Variants in CTXN1 observed in about 807,000 individuals in gnomAD.
The protein encoded by CTXN1 is cortexin-1.
A neutral mutation model predicts 5.5 loss-of-function variants in CTXN1; 4 were observed. That is an observed-to-expected ratio of 0.73 (90% confidence interval 0.36 to 1.68). CTXN1 has a LOEUF of 1.68. CTXN1 is among the 40% of genes most tolerant of loss of function. The pLI is 0.05. For missense variants in CTXN1, 111 were observed against 123.0 expected (o/e 0.90, Z 0.46); for synonymous variants, 67 against 62.8 (o/e 1.07, Z -0.32).
In CTXN1 at chr19:7,925,682, C is replaced by G; in HGVS notation, c.-20-124G>C. ...CCTCCCTTAACGTGCCCGACCCCATCCCCCGCCCGCGCCTCGGTCCCCGGG... is the reference window on the plus strand; with the variant it reads ...CCTCCCTTAACGTGCCCGACCCCATGCCCCGCCCGCGCCTCGGTCCCCGGG... On this transcript the variant is annotated intron_variant, in intron 1 of 1. Transcript: ENST00000318978. The surrounding 1 kb of genome is among the most constrained non-coding windows in gnomAD (Gnocchi z 5.0). 2.4e-6 allele frequency: 2 copies of G among 827,080 alleles called. No individual in the cohort carries two copies. The highest frequency in any genetic ancestry group is 3.2e-6 in the Non-Finnish European group (2 of 619,194). 51.2% of individuals were successfully genotyped at this position (827,080 alleles called of 1,614,324 possible).
In CTXN1 at chr19:7,925,591, G is replaced by A; in HGVS notation, c.-20-33C>T. 5 of 1,315,844 alleles carry A rather than the reference G, an allele frequency of 3.8e-6. No individual in the cohort carries two copies. The highest frequency in any genetic ancestry group is 2.1e-5 in the South Asian group (1 of 47,024). 81.5% of individuals were successfully genotyped at this position (1,315,844 alleles called of 1,614,324 possible). ...GGAGGGGACCCGCCCCGGGCGCCGG[G>A]GATGAGGCTGCGCCCTCCCTCCCGC... On this transcript the variant is annotated intron_variant, in intron 1 of 1. Transcript: ENST00000318978. The surrounding 1 kb of genome is among the most constrained non-coding windows in gnomAD (Gnocchi z 5.0).
Position 7,925,213 on chromosome 19 carries a change from C to A in CTXN1, c.*77G>T. ...TCCGGGGCGGGATCCTGAGCGCAGT[C>A]CTGGCCCCGCGGCGCCCCCCGCCGG... On this transcript the variant is annotated 3_prime_UTR_variant, in exon 2 of 2. Transcript: ENST00000318978. The surrounding 1 kb of genome is among the most constrained non-coding windows in gnomAD (Gnocchi z 5.0). 2 of 1,164,378 alleles carry A rather than the reference C, an allele frequency of 1.7e-6. No individual in the cohort carries two copies. The highest frequency in any genetic ancestry group is 2.2e-6 in the Non-Finnish European group (2 of 919,654). The allele number at this position is 1,164,378 out of a possible 1,614,324, so 72.1% of individuals were successfully genotyped here. A position where few individuals can be genotyped will look rare whatever the true frequency, so the allele number is the denominator to read the frequency against.
chr19:7,925,236 CGGG>C lies in CTXN1; in HGVS notation c.*51_*53del. 1.6e-6 allele frequency: 2 copies of C among 1,242,910 alleles called. No homozygotes were observed. The highest frequency in any genetic ancestry group is 2.0e-6 in the Non-Finnish European group (2 of 992,874). The allele number at this position is 1,242,910 out of a possible 1,614,324, so 77.0% of individuals were successfully genotyped here. On this transcript the variant is annotated 3_prime_UTR_variant, in exon 2 of 2. Coordinates refer to ENST00000318978, the MANE Select transcript of CTXN1 (RefSeq NM_206833.4). This position sits in a 1 kb window ranked among gnomAD's most constrained non-coding sequence, Gnocchi z 5.0. ...GTCCTGGCCCCGCGGCGCCCCCCGC[CGGG>C]CCGGCCCTCTGAGACCCCGGCGCAG...
In CTXN1 at chr19:7,925,431, G is replaced by C. The variant is rs774212466; in HGVS notation, c.108C>G (p.Leu36=). ...AEQRTVFAFV[L]CLLVVLVLLM... is the part of the protein sequence containing the mutation. ...ACAGCACCAGCACCACGAGCAGGCA[G>C]AGCACGAAGGCGAACACCGTGCGCT... is the stretch of plus-strand genomic sequence containing the variant. Residue 36 remains leucine, a synonymous_variant, in exon 2 of 2, where the codon CTC becomes CTG. Transcript: ENST00000318978. This position sits in a 1 kb window ranked among gnomAD's most constrained non-coding sequence, Gnocchi z 5.0. 1.0e-5 allele frequency: 16 copies of C among 1,587,516 alleles called. No individual in the cohort carries two copies. In the East Asian group the frequency reaches 3.5e-4, roughly 35 times the overall value.
Position 7,925,560 on chromosome 19 carries a change from T to A in CTXN1, c.-20-2A>T. 1 of 1,360,892 alleles carries A rather than the reference T, an allele frequency of 7.3e-7. No individual in the cohort carries two copies. Among genetic ancestry groups the A allele is most frequent in the Non-Finnish European group, 9.4e-7 (1 of 1,061,920 alleles). 84.3% of individuals were successfully genotyped at this position (1,360,892 alleles called of 1,614,324 possible). A position where few individuals can be genotyped will look rare whatever the true frequency, so the allele number is the denominator to read the frequency against. On this transcript the variant is annotated splice_acceptor_variant, in intron 1 of 1. Coordinates refer to ENST00000318978, the MANE Select transcript of CTXN1 (RefSeq NM_206833.4). LOFTEE classifies it low-confidence loss of function (5UTR_SPLICE). The surrounding 1 kb of genome is among the most constrained non-coding windows in gnomAD (Gnocchi z 5.0). The stretch of plus-strand genomic sequence containing the variant: ...TCATGGCTCACATCGCCGCGCGCCC[T>A]GCGGAGGAGGGGACCCGCCCCGGGC...
In CTXN1 at chr19:7,924,964, T is replaced by TA. The variant is rs1226366941; in HGVS notation, c.*325dup. On this transcript the variant is annotated 3_prime_UTR_variant, in exon 2 of 2. Transcript: ENST00000318978. ...AGGGACGCACAATAGCAGAGCCACT[T>TA]ACACGCTGGGGAGGGGGCGGTGCGG... 9.3e-6 allele frequency: 2 copies of TA among 214,528 alleles called. No individual in the cohort carries two copies. Among genetic ancestry groups the TA allele is most frequent in the Admixed American group, 1.2e-4 (2 of 16,936 alleles). 13.3% of individuals were successfully genotyped at this position (214,528 alleles called of 1,614,324 possible). A position where few individuals can be genotyped will look rare whatever the true frequency, so the allele number is the denominator to read the frequency against.
Position 7,924,943 on chromosome 19 carries a change from A to C in CTXN1, c.*347T>G. The C allele has an allele frequency of 5.4e-6, 1 of 186,434 alleles. No homozygotes were observed. The highest frequency in any genetic ancestry group is 1.1e-5 in the Non-Finnish European group (1 of 91,172). 11.5% of individuals were successfully genotyped at this position (186,434 alleles called of 1,614,324 possible). A position where few individuals can be genotyped will look rare whatever the true frequency, so the allele number is the denominator to read the frequency against. ...GACAAGGGGGTCCCCACTTCCAGGG[A>C]CGCACAATAGCAGAGCCACTTACAC... is the stretch of plus-strand genomic sequence containing the variant. On this transcript the variant is annotated 3_prime_UTR_variant, in exon 2 of 2. Coordinates refer to ENST00000318978, the MANE Select transcript of CTXN1 (RefSeq NM_206833.4).
In CTXN1 at chr19:7,925,716, A is replaced by G. The variant is rs1280411120; in HGVS notation, c.-20-158T>C. On this transcript the variant is annotated intron_variant, in intron 1 of 1. Transcript: ENST00000318978. The surrounding 1 kb of genome is among the most constrained non-coding windows in gnomAD (Gnocchi z 5.0). ...GCGCCTCGGTCCCCGGGCTACGCCC[A>G]TGCCCGGCCCGCCGGATCGCCGCCA... Among the ~76,000 whole-genome samples the G allele has an allele frequency of 6.7e-6, 1 of 148,656 alleles. No homozygotes were observed. The highest frequency in any genetic ancestry group is 1.5e-5 in the Non-Finnish European group (1 of 67,044).
chr19:7,925,474 G>A lies in CTXN1; in HGVS notation c.65C>T (p.Ala22Val). ...CGTGCGCTGCTCCGCGTCCAGGCCC[G>A]CGCCCACCGGGGGCCCCGTCGACGG... ...LPPSTGPPVG[A>V]GLDAEQRTVF... Residue 22 changes from alanine (A) to valine (V), a missense_variant, in exon 2 of 2, where the codon GCG becomes GTG. Physicochemically the swap from Ala to Val is moderately conservative, Grantham distance 64. Coordinates refer to ENST00000318978, the MANE Select transcript of CTXN1 (RefSeq NM_206833.4). This position sits in a 1 kb window ranked among gnomAD's most constrained non-coding sequence, Gnocchi z 5.0. The A allele has an allele frequency of 3.8e-6, 6 of 1,559,068 alleles. No homozygotes were observed. The highest frequency in any genetic ancestry group is 5.2e-6 in the Non-Finnish European group (6 of 1,160,244).
rs1308502934 is a variant in CTXN1, at chr19:7,925,589, G to T, written c.-20-31C>A. On this transcript the variant is annotated intron_variant, in intron 1 of 1. Coordinates refer to ENST00000318978, the MANE Select transcript of CTXN1 (RefSeq NM_206833.4). This position sits in a 1 kb window ranked among gnomAD's most constrained non-coding sequence, Gnocchi z 5.0. The stretch of plus-strand genomic sequence containing the variant: ...GAGGAGGGGACCCGCCCCGGGCGCC[G>T]GGGATGAGGCTGCGCCCTCCCTCCC... 3 of 1,317,614 alleles carry T rather than the reference G, an allele frequency of 2.3e-6. No individual in the cohort carries two copies. Among genetic ancestry groups the T allele is most frequent in the South Asian group, 4.2e-5 (2 of 47,522 alleles). 81.6% of individuals were successfully genotyped at this position (1,317,614 alleles called of 1,614,324 possible).
In CTXN1 at chr19:7,925,333, T is replaced by C; in HGVS notation, c.206A>G (p.Lys69Arg). 1 of 1,533,682 alleles carries C rather than the reference T, an allele frequency of 6.5e-7. No individual in the cohort carries two copies. The highest frequency in any genetic ancestry group is 1.9e-5 in the Admixed American group (1 of 51,914). The change falls in exon 2 of 2, where the codon AAG (lysine) becomes AGG (arginine). Residue 69 changes from lysine to arginine, a missense_variant. Physicochemically the swap from Lys to Arg is conservative, Grantham distance 26. Coordinates refer to ENST00000318978, the MANE Select transcript of CTXN1 (RefSeq NM_206833.4). The surrounding 1 kb of genome is among the most constrained non-coding windows in gnomAD (Gnocchi z 5.0). ...RMPASSWTDH[K>R]EALERGQFDY... ...GAACTGCCCGCGCTCGAGCGCCTCC[T>C]TGTGGTCGGTCCAGGACGAGGCGGG...
At position 7,925,630 on chromosome 19, in the gene CTXN1, C is replaced by A. The variant is rs1983761747; in HGVS notation, c.-20-72G>T. 8.2e-7 allele frequency: 1 copy of A among 1,219,668 alleles called. No individual in the cohort carries two copies. The highest frequency in any genetic ancestry group is 1.0e-6 in the Non-Finnish European group (1 of 966,388). 75.6% of individuals were successfully genotyped at this position (1,219,668 alleles called of 1,614,324 possible). On this transcript the variant is annotated intron_variant, in intron 1 of 1. Coordinates refer to ENST00000318978, the MANE Select transcript of CTXN1 (RefSeq NM_206833.4). The surrounding 1 kb of genome is among the most constrained non-coding windows in gnomAD (Gnocchi z 5.0). ...CCTCCCTCCCGCGCCTCCTCCGCTT[C>A]GCCCCCTCCTGCCGCCGCCGCCGCC...
Position 7,925,698 on chromosome 19 carries a change from G to T in CTXN1, c.-20-140C>A. The T allele has an allele frequency of 1.3e-6, 1 of 747,930 alleles. No individual in the cohort carries two copies. The highest frequency in any genetic ancestry group is 1.8e-6 in the Non-Finnish European group (1 of 548,146). The allele number at this position is 747,930 out of a possible 1,614,324, so 46.3% of individuals were successfully genotyped here. A position where few individuals can be genotyped will look rare whatever the true frequency, so the allele number is the denominator to read the frequency against. ...CGACCCCATCCCCCGCCCGCGCCTC[G>T]GTCCCCGGGCTACGCCCATGCCCGG... On this transcript the variant is annotated intron_variant, in intron 1 of 1. Transcript: ENST00000318978. This position sits in a 1 kb window ranked among gnomAD's most constrained non-coding sequence, Gnocchi z 5.0.
Position 7,924,945 on chromosome 19 carries a change from G to A in CTXN1, c.*345C>T, listed in dbSNP as rs945916514. ...CAAGGGGGTCCCCACTTCCAGGGAC[G>A]CACAATAGCAGAGCCACTTACACGC... On this transcript the variant is annotated 3_prime_UTR_variant, in exon 2 of 2. Coordinates refer to ENST00000318978, the MANE Select transcript of CTXN1 (RefSeq NM_206833.4). 5.8e-5 allele frequency: 11 copies of A among 189,440 alleles called. No individual in the cohort carries two copies. The East Asian group carries it at 1.3e-3, about 23-fold the overall frequency. 11.7% of individuals were successfully genotyped at this position (189,440 alleles called of 1,614,324 possible).
chr19:7,924,971 T>C lies in CTXN1; in HGVS notation c.*319A>G, dbSNP rs577699770. 1.7e-3 allele frequency: 347 copies of C among 206,778 alleles called. No individual in the cohort carries two copies. Among genetic ancestry groups the C allele is most frequent in the African/African-American group, 8.4e-3 (330 of 39,284 alleles). The allele number at this position is 206,778 out of a possible 1,614,324, so 12.8% of individuals were successfully genotyped here. A position where few individuals can be genotyped will look rare whatever the true frequency, so the allele number is the denominator to read the frequency against. ...CACAATAGCAGAGCCACTTACACGC[T>C]GGGGAGGGGGCGGTGCGGGGGTCCT... is the stretch of plus-strand genomic sequence containing the variant. On this transcript the variant is annotated 3_prime_UTR_variant, in exon 2 of 2. Coordinates refer to ENST00000318978, the MANE Select transcript of CTXN1 (RefSeq NM_206833.4).
Position 7,925,285 on chromosome 19 carries a change from G to A in CTXN1, c.*5C>T, listed in dbSNP as rs747771660. The A allele has an allele frequency of 1.0e-5, 14 of 1,380,164 alleles. No individual in the cohort carries two copies. The highest frequency in any genetic ancestry group is 2.0e-4 in the Middle Eastern group (1 of 5,096). 85.5% of individuals were successfully genotyped at this position (1,380,164 alleles called of 1,614,324 possible). A position where few individuals can be genotyped will look rare whatever the true frequency, so the allele number is the denominator to read the frequency against. On this transcript the variant is annotated 3_prime_UTR_variant, in exon 2 of 2. Transcript: ENST00000318978. The surrounding 1 kb of genome is among the most constrained non-coding windows in gnomAD (Gnocchi z 5.0). The stretch of plus-strand genomic sequence containing the variant: ...CGCAGGGCCGGCTAGGGGGCGCCGC[G>A]CCCCTCACACCAACGCGTAGTCGAA...
In CTXN1 at chr19:7,925,403, TC is replaced by T; in HGVS notation, c.135del (p.Met46TrpfsTer44). 1 of 1,588,026 alleles carries T rather than the reference TC, an allele frequency of 6.3e-7. No individual in the cohort carries two copies. The highest frequency in any genetic ancestry group is 8.5e-7 in the Non-Finnish European group (1 of 1,172,064). On this transcript the variant is annotated frameshift_variant, in exon 2 of 2. Transcript: ENST00000318978. LOFTEE classifies it high-confidence loss of function. This position sits in a 1 kb window ranked among gnomAD's most constrained non-coding sequence, Gnocchi z 5.0. Reference protein sequence around the residue: ...VLCLLVVLVLLMVRCVRILLD... With the variant: ...VLCLLVVLVLXMVRCVRILLD... ...AGCAGGATGCGCACGCAGCGCACCA[TC>T]AACAGCACCAGCACCACGAGCAGGC...
chr19:7,925,748 C>G lies in CTXN1; in HGVS notation c.-20-190G>C, dbSNP rs564323011. Among the ~76,000 whole-genome samples the G allele has an allele frequency of 4.0e-5, 6 of 151,486 alleles. No individual in the cohort carries two copies. The highest frequency in any genetic ancestry group is 1.2e-4 in the African/African-American group (5 of 41,352). The stretch of plus-strand genomic sequence containing the variant: ...GCCCGCCGGATCGCCGCCACCACCA[C>G]GCGGGGACCCAACTCTGGCCGTGCG... On this transcript the variant is annotated intron_variant, in intron 1 of 1. Coordinates refer to ENST00000318978, the MANE Select transcript of CTXN1 (RefSeq NM_206833.4). The surrounding 1 kb of genome is among the most constrained non-coding windows in gnomAD (Gnocchi z 5.0).
Position 7,924,976 on chromosome 19 carries a change from A to C in CTXN1, c.*314T>G. 4.6e-6 allele frequency: 1 copy of C among 215,986 alleles called. No individual in the cohort carries two copies. The highest frequency in any genetic ancestry group is 8.8e-6 in the Non-Finnish European group (1 of 114,196). 13.4% of individuals were successfully genotyped at this position (215,986 alleles called of 1,614,324 possible). On this transcript the variant is annotated 3_prime_UTR_variant, in exon 2 of 2. Transcript: ENST00000318978. ...TAGCAGAGCCACTTACACGCTGGGGAGGGGGCGGTGCGGGGGTCCTCCTCC... is the reference window on the plus strand; with the variant it reads ...TAGCAGAGCCACTTACACGCTGGGGCGGGGGCGGTGCGGGGGTCCTCCTCC...
Sources: allele counts gnomAD v4.1 joint callset (sites outside exome capture counted in the v4.1 genomes callset), GRCh38; gene constraint gnomAD v4.1.1; non-coding constraint Gnocchi (gnomAD v3.1); transcripts MANE v1.5; gene names NCBI Gene and HGNC (gene_info 2026-07-23, HGNC 2026-07-21).